RORB: variants seen among roughly 807,000 people sequenced by gnomAD.
The protein encoded by RORB is nuclear receptor ROR-beta.
A neutral mutation model predicts 59.1 loss-of-function variants in RORB; 6 were observed. The observed-to-expected ratio is 0.10, with a 90% CI of 0.06 to 0.20. The LOEUF (loss-of-function observed/expected upper bound fraction) is 0.20. Among genes scored for constraint, RORB ranks in the 10% least tolerant of loss-of-function variants. RORB has a pLI of 1.00. For missense variants in RORB, 320 were observed against 560.5 expected (o/e 0.57, Z 4.33); for synonymous variants, 215 against 204.5 (o/e 1.05, Z -0.44).
intron 3 of RORB, among the ~76,000 whole-genome samples, chr9:74,638,138 C>T (rs1020435315): frequency 6.6e-6 from 1 of 152,122 alleles, no homozygotes; most frequent in Admixed American, 6.5e-5. Flanking sequence ...ATATAGAGAA[C>T]TTTACAACCG....
chr9:74,666,059 G>A (rs1824259325), intron 7 of RORB, among the ~76,000 whole-genome samples: 1 of 152,142 alleles, frequency 6.6e-6, no homozygotes, highest in East Asian at 1.9e-4. Context: ...GGCTGAGGCA[G>A]GTGGATCTCT....
At chr9:74,580,615 C>CT (rs999256189) in intron 1 of RORB, among the ~76,000 whole-genome samples, 1 of 152,028 alleles carries the variant, frequency 6.6e-6, no homozygotes, top group Non-Finnish European at 1.5e-5. Context: ...TAGGAATATA[C>CT]TTTTTTTCTG....
chr9:74,661,388 C>CTAAA (rs1419077944), intron 5 of RORB, among the ~76,000 whole-genome samples: 2 of 152,084 alleles, frequency 1.3e-5, no homozygotes, highest in African/African-American at 4.8e-5. Flanking sequence ...GTGTGTATAT[C>CTAAA]TAAATAAATG....
At chr9:74,628,429 A>C (rs1823557699) in intron 1 of RORB, among the ~76,000 whole-genome samples, 1 of 152,152 alleles carries the variant, frequency 6.6e-6, no homozygotes, top group South Asian at 2.1e-4. Flanking sequence ...ATATTTAGCT[A>C]ATTTCTGGTT....
chr9:74,571,968 T>G (rs1477120996), intron 1 of RORB, among the ~76,000 whole-genome samples: 1 of 152,168 alleles, frequency 6.6e-6, no homozygotes. Context: ...ACCTGGTTTC[T>G]GCATAACATC....
chr9:74,658,513 T>A (rs1824127728), intron 4 of RORB, among the ~76,000 whole-genome samples: 1 of 152,172 alleles, frequency 6.6e-6, no homozygotes, highest in African/African-American at 2.4e-5. Context: ...CAGATAAAGT[T>A]TTTCACAATA....
rs970715348 is a variant in RORB, at chr9:74,690,062, A to G, written c.*4444A>G. On this transcript the variant is annotated 3_prime_UTR_variant, in exon 10 of 10. Transcript: ENST00000376896. The stretch of plus-strand genomic sequence containing the variant: ...AGAAGCACCGTTCAATAGAACAGCA[A>G]TAACCTTAAAGTGTGCATCTGTAGT... The G allele has an allele frequency of 2.6e-5, 4 of 152,200 alleles. No homozygotes were observed. In the East Asian group the frequency reaches 5.8e-4, roughly 22 times the overall value. The allele number at this position is 152,200 out of a possible 1,614,324, so 9.4% of individuals were successfully genotyped here.
intron 8 of RORB, 143 bp from the exon 9 acceptor site, chr9:74,671,646 G>C: frequency 2.0e-6 from 1 of 507,450 alleles, no homozygotes; most frequent in Non-Finnish European, 3.6e-6. Context: ...AAATACTTAT[G>C]TTTTATGTAA....
chr9:74,605,566 T>C (rs543496332), intron 1 of RORB, among the ~76,000 whole-genome samples: 1 of 152,344 alleles, frequency 6.6e-6, no homozygotes, highest in South Asian at 2.1e-4. Flanking sequence ...TAATACGTAG[T>C]CTGTCTTTGC....
chr9:74,556,170 G>C (rs1315176757), intron 1 of RORB, among the ~76,000 whole-genome samples: 1 of 152,184 alleles, frequency 6.6e-6, no homozygotes, highest in African/African-American at 2.4e-5. Context: ...GTGAAGGCTA[G>C]TGGTTGAAAT....
At chr9:74,601,891 A>C (rs1823063019) in intron 1 of RORB, among the ~76,000 whole-genome samples, 1 of 152,198 alleles carries the variant, frequency 6.6e-6, no homozygotes, top group South Asian at 2.1e-4. Flanking sequence ...TGAGTTGAAC[A>C]AGCAAAGCAA....
chr9:74,606,009 A>C (rs975668677), intron 1 of RORB, among the ~76,000 whole-genome samples: 1 of 152,196 alleles, frequency 6.6e-6, no homozygotes, highest in Non-Finnish European at 1.5e-5. Flanking sequence ...GGAGGAACAC[A>C]TGTGGAGAAT....
intron 1 of RORB, among the ~76,000 whole-genome samples, chr9:74,600,908 C>A (rs1456461551): frequency 6.6e-6 from 1 of 151,942 alleles, no homozygotes; most frequent in African/African-American, 2.4e-5. Context: ...ATGCTTGATA[C>A]AAAACACATA....
chr9:74,614,424 T>A (rs1257776281), intron 1 of RORB, among the ~76,000 whole-genome samples: 1 of 152,120 alleles, frequency 6.6e-6, no homozygotes, highest in Non-Finnish European at 1.5e-5. Flanking sequence ...GTGTATTGTA[T>A]TTTCTACTAA....
chr9:74,519,581 T>G (rs184965382), intron 1 of RORB, among the ~76,000 whole-genome samples: 6 of 151,980 alleles, frequency 3.9e-5, no homozygotes, highest in African/African-American at 1.4e-4. Context: ...GTAACTCTTT[T>G]AAAATAAATT....
intron 9 of RORB, among the ~76,000 whole-genome samples, chr9:74,678,690 T>G (rs570241557): frequency 2.0e-5 from 3 of 152,152 alleles, no homozygotes; most frequent in Non-Finnish European, 4.4e-5. Context: ...AGGTCATTTA[T>G]GGTTATTTTT....
intron 1 of RORB, chr9:74,498,603 G>C (rs1170886691): frequency 1.3e-5 from 2 of 152,454 alleles, no homozygotes; most frequent in Non-Finnish European, 2.9e-5. Context: ...CCTTCGTGCC[G>C]GCGCTGCGCC....
At chr9:74,633,926 G>T (rs1383278592) in intron 2 of RORB, among the ~76,000 whole-genome samples, 1 of 151,846 alleles carries the variant, frequency 6.6e-6, no homozygotes, top group Non-Finnish European at 1.5e-5. Flanking sequence ...TCCAGACCCG[G>T]TCACGGTGGC....
At chr9:74,616,887 AC>A (rs1245571489) in intron 1 of RORB, among the ~76,000 whole-genome samples, 1 of 152,164 alleles carries the variant, frequency 6.6e-6, no homozygotes. Flanking sequence ...AACTATATGA[AC>A]AAATGTGTTT....
Sources: gnomAD v4.1 joint callset for allele counts (sites outside exome capture counted in the v4.1 genomes callset) on GRCh38, gnomAD v4.1.1 for gene constraint, MANE v1.5 for transcripts, NCBI Gene and HGNC (gene_info 2026-07-23, HGNC 2026-07-21) for gene names.